CFDP1: variants seen among roughly 807,000 people sequenced by gnomAD.
CFDP1 encodes the protein heterochromatin-stabilizing protein CFDP1.
In CFDP1, 31 loss-of-function variants were observed where a neutral mutation model predicts 40.1. The ratio of observed to expected loss-of-function variants is 0.77; its 90% CI spans 0.58 to 1.04. The LOEUF (loss-of-function observed/expected upper bound fraction) is 1.04. CFDP1 is among the 50% of genes least tolerant of loss of function. The pLI is 0.00. For missense variants in CFDP1, 423 were observed against 343.4 expected, an observed-to-expected ratio of 1.23 and a Z score of -1.83; for synonymous variants, 167 against 120.0, an observed-to-expected ratio of 1.39 and a Z score of -2.56.
intron 5 of CFDP1, among the ~76,000 whole-genome samples, chr16:75,317,009 A>T (rs1334719377): frequency 6.6e-6 from 1 of 152,082 alleles, no homozygotes; most frequent in African/African-American, 2.4e-5. Context: ...TAAATAAATA[A>T]AAATAAAAAT....
At chr16:75,369,564 C>T (rs564509013) in intron 5 of CFDP1, among the ~76,000 whole-genome samples, 4 of 152,264 alleles carry the variant, frequency 2.6e-5, no homozygotes, top group Non-Finnish European at 4.4e-5. Flanking sequence ...TTGACAGAGA[C>T]GTATGTGTCC....
intron 4 of CFDP1, among the ~76,000 whole-genome samples, chr16:75,397,118 G>A (rs963274221): frequency 2.0e-5 from 3 of 151,850 alleles, no homozygotes; most frequent in African/African-American, 7.2e-5. Flanking sequence ...GTTTCACCGT[G>A]TTAGCCAGGA....
At chr16:75,431,454 C>CAAAAAAAAAAAAAAAAAAAAAA (rs60902612) in intron 1 of CFDP1, among the ~76,000 whole-genome samples, 1 of 59,598 alleles carries the variant, frequency 1.7e-5, no homozygotes, top group Non-Finnish European at 2.9e-5. Flanking sequence ...ACTCTTGTCT[C>CAAAAAAAAAAAAAAAAAAAAAA]AAAAAAAAAA....
intron 5 of CFDP1, among the ~76,000 whole-genome samples, chr16:75,336,911 C>A (rs1046635976): frequency 6.6e-6 from 1 of 152,132 alleles, no homozygotes; most frequent in Non-Finnish European, 1.5e-5. Context: ...TCCTTTCTTG[C>A]GAGCTGTTGG....
At chr16:75,334,947 A>T (rs2078475542) in intron 5 of CFDP1, among the ~76,000 whole-genome samples, 1 of 148,592 alleles carries the variant, frequency 6.7e-6, no homozygotes, top group Non-Finnish European at 1.5e-5. Flanking sequence ...AAAGCGAGAC[A>T]CTCTGCCTCA....
intron 5 of CFDP1, among the ~76,000 whole-genome samples, chr16:75,318,780 G>C (rs1349560992): frequency 1.3e-5 from 2 of 152,080 alleles, no homozygotes; most frequent in Admixed American, 6.6e-5. Flanking sequence ...GCATGTCTCT[G>C]TCTCTTCATA....
Position 75,433,311 on chromosome 16 carries a change from C to T in CFDP1, c.42G>A (p.Glu14=), listed in dbSNP as rs746784680. The change falls in exon 1 of 7, where the codon GAG becomes GAA. Residue 14 remains glutamate, a synonymous_variant. Transcript: ENST00000283882. ...CACCCGACGGCACGTAGTCCTCGTCCTCCTCCGACGTAGAGAAGTCTTCGG... is the reference window on the plus strand; with the variant it reads ...CACCCGACGGCACGTAGTCCTCGTCTTCCTCCGACGTAGAGAAGTCTTCGG... ...FDSEDFSTSE[E]DEDYVPSGGE... 1 of 1,601,404 alleles carries T rather than the reference C, an allele frequency of 6.2e-7. No individual in the cohort carries two copies. Among genetic ancestry groups the T allele is most frequent in the East Asian group, 2.2e-5 (1 of 44,512 alleles).
chr16:75,304,542 A>G (rs923502748), intron 6 of CFDP1, among the ~76,000 whole-genome samples: 1 of 152,228 alleles, frequency 6.6e-6, no homozygotes, highest in Middle Eastern at 3.2e-3. Context: ...CCTATCACAC[A>G]GGCTATAGCC....
chr16:75,301,536 C>CTTTGTTTTTTT (rs2078221583), intron 6 of CFDP1, among the ~76,000 whole-genome samples: 1 of 53,938 alleles, frequency 1.9e-5, no homozygotes, highest in African/African-American at 6.9e-5. Context: ...TTTGTTGTGT[C>CTTTGTTTTTTT]TTTTTTTTTT....
chr16:75,358,997 C>T (rs1340035548), intron 5 of CFDP1, among the ~76,000 whole-genome samples: 1 of 152,192 alleles, frequency 6.6e-6, no homozygotes, highest in Non-Finnish European at 1.5e-5. Flanking sequence ...CGTAGTATCA[C>T]AAAAGGATAA....
intron 2 of CFDP1, among the ~76,000 whole-genome samples, chr16:75,413,552 CAAAAAAAAA>C (rs9331624): frequency 8.8e-5 from 8 of 90,488 alleles, no homozygotes; most frequent in Admixed American, 8.7e-4. Context: ...GACTCTGTCT[CAAAAAAAAA>C]AAAAAAAAAA....
intron 5 of CFDP1, among the ~76,000 whole-genome samples, chr16:75,342,873 G>C (rs1192723400): frequency 6.6e-6 from 1 of 152,100 alleles, no homozygotes; most frequent in African/African-American, 2.4e-5. Context: ...TAAAGGCTAG[G>C]GATGCTGCTA....
chr16:75,298,736 C>G (rs781652529), intron 6 of CFDP1, among the ~76,000 whole-genome samples: 4 of 152,204 alleles, frequency 2.6e-5, no homozygotes, highest in Non-Finnish European at 5.9e-5. Flanking sequence ...GCAAACATCT[C>G]AAGGGTTAGA....
At chr16:75,319,801 C>A (rs1453800185) in intron 5 of CFDP1, among the ~76,000 whole-genome samples, 1 of 152,188 alleles carries the variant, frequency 6.6e-6, no homozygotes, top group Non-Finnish European at 1.5e-5. Context: ...AGGAAGCAAT[C>A]ATCTATACAA....
At chr16:75,383,007 C>T (rs1323185890) in intron 5 of CFDP1, among the ~76,000 whole-genome samples, 1 of 152,156 alleles carries the variant, frequency 6.6e-6, no homozygotes, top group African/African-American at 2.4e-5. Context: ...TGCTAATAAT[C>T]AAAAGGTTAT....
chr16:75,369,902 G>A (rs889828560), intron 5 of CFDP1, among the ~76,000 whole-genome samples: 1 of 151,710 alleles, frequency 6.6e-6, no homozygotes, highest in Non-Finnish European at 1.5e-5. Flanking sequence ...GGAACTACAG[G>A]CCTGCACCAC....
intron 5 of CFDP1, among the ~76,000 whole-genome samples, chr16:75,355,673 A>T (rs776539854): frequency 1.3e-5 from 2 of 152,156 alleles, no homozygotes; most frequent in Non-Finnish European, 2.9e-5. Flanking sequence ...TAACTGAATC[A>T]TGGGGGCAGT....
At chr16:75,420,509 C>T (rs2079265743) in intron 1 of CFDP1, among the ~76,000 whole-genome samples, 2 of 152,162 alleles carry the variant, frequency 1.3e-5, no homozygotes, top group Admixed American at 1.3e-4. Flanking sequence ...TTTCAGCTAT[C>T]TATGCCATTA....
chr16:75,410,340 T>G (rs1176967471), intron 4 of CFDP1, among the ~76,000 whole-genome samples: 1 of 152,020 alleles, frequency 6.6e-6, no homozygotes, highest in African/African-American at 2.4e-5. Flanking sequence ...AAAATTGAAA[T>G]AAATGGGGGA....
Sources: allele counts gnomAD v4.1 joint callset (sites outside exome capture counted in the v4.1 genomes callset), GRCh38; gene constraint gnomAD v4.1.1; transcripts MANE v1.5; gene names NCBI Gene and HGNC (gene_info 2026-07-23, HGNC 2026-07-21).